Variants in PLD5 observed in about 807,000 individuals in gnomAD.
PLD5 encodes the protein phospholipase D family member 5.
In PLD5, 36 loss-of-function variants were observed where a neutral mutation model predicts 61.1. The observed-to-expected ratio is 0.59, with a 90% CI of 0.45 to 0.78. The LOEUF is 0.78. Ranked by LOEUF, PLD5 falls within the 30% of genes least tolerant of loss-of-function variation. The pLI, the probability that PLD5 is intolerant of heterozygous loss-of-function variation, is 0.00. For missense variants in PLD5, 515 were observed against 644.4 expected (o/e 0.80, Z 2.17); for synonymous variants, 243 against 242.8 (o/e 1.00, Z -0.01).
Position 242,085,597 on chromosome 1 carries a change from G to A in PLD5, c.*4257C>T, listed in dbSNP as rs1482859741. Reference sequence around the variant, plus strand: ...TCAAATTGGAAAATTTTTTACCTTGGGCCAAATGGAAGTTATATTAATTTT... The same window carrying A: ...TCAAATTGGAAAATTTTTTACCTTGAGCCAAATGGAAGTTATATTAATTTT... On this transcript the variant is annotated 3_prime_UTR_variant, in exon 10 of 10. Coordinates refer to ENST00000536534, the MANE Select transcript of PLD5 (RefSeq NM_001372062.1). 1.3e-5 allele frequency: 2 copies of A among 152,032 alleles called. No individual in the cohort carries two copies. Among genetic ancestry groups the A allele is most frequent in the Non-Finnish European group, 2.9e-5 (2 of 68,014 alleles). The allele number at this position is 152,032 out of a possible 1,614,324, so 9.4% of individuals were successfully genotyped here.
chr1:242,475,566 A>T (rs144727282), intron 1 of PLD5, among the ~76,000 whole-genome samples: 18 of 152,246 alleles, frequency 1.2e-4, no homozygotes, highest in Non-Finnish European at 1.8e-4. Flanking sequence ...AAAACAGTTC[A>T]CAGGAGCATC....
At chr1:242,247,192 C>T (rs1234879925) in intron 4 of PLD5, among the ~76,000 whole-genome samples, 1 of 152,096 alleles carries the variant, frequency 6.6e-6, no homozygotes, top group Admixed American at 6.6e-5. Context: ...CTGTGTTAGC[C>T]AGGATGGTCT....
chr1:242,373,999 C>G (rs12139778), intron 1 of PLD5, among the ~76,000 whole-genome samples: 14,108 of 151,748 alleles, frequency 0.093, 694 homozygotes, highest in African/African-American at 0.12. Flanking sequence ...CGGAACAAAG[C>G]ACCACATTGA....
intron 4 of PLD5, among the ~76,000 whole-genome samples, chr1:242,225,944 A>G (rs1482960996): frequency 1.3e-5 from 2 of 152,184 alleles, no homozygotes; most frequent in Admixed American, 1.3e-4. Context: ...ACTTTATAAG[A>G]AACTGCCAAA....
At chr1:242,393,751 TGTATATGA>T (rs1383802134) in intron 1 of PLD5, among the ~76,000 whole-genome samples, 2 of 148,504 alleles carry the variant, frequency 1.3e-5, no homozygotes, top group Non-Finnish European at 3.0e-5. Flanking sequence ...TATATATGTG[TGTATATGA>T]GTATATAAGT....
At chr1:242,132,195 G>GC (rs1553305571) in intron 5 of PLD5, among the ~76,000 whole-genome samples, 3 of 95,126 alleles carry the variant, frequency 3.2e-5, no homozygotes, top group Non-Finnish European at 4.6e-5. Context: ...GTGATTGCGG[G>GC]GGGGGGGGGG....
intron 3 of PLD5, among the ~76,000 whole-genome samples, chr1:242,275,856 G>A (rs564734189): frequency 1.3e-5 from 2 of 152,322 alleles, no homozygotes; most frequent in Admixed American, 1.3e-4. Flanking sequence ...GCATTGAAGA[G>A]TTTGGATCTC....
At position 242,444,040 on chromosome 1, in the gene PLD5, A is replaced by C. The variant is rs991547973; in HGVS notation, c.189+80048T>G. ...ATCCAGGAGGCTCAACAATAGGATA[A>C]AAATTTGAACAGAACTCATATTTGC... is the stretch of plus-strand genomic sequence containing the variant. On this transcript the variant is annotated intron_variant, in intron 1 of 9. Coordinates refer to ENST00000536534, the MANE Select transcript of PLD5 (RefSeq NM_001372062.1). 3.0e-4 allele frequency among the ~76,000 whole-genome samples: 45 copies of C among 152,188 alleles called. 1 individual carries two copies. Among genetic ancestry groups the C allele is most frequent in the Admixed American group, 2.9e-3 (45 of 15,272 alleles).
At chr1:242,346,210 G>A (rs1660127752) in intron 2 of PLD5, among the ~76,000 whole-genome samples, 1 of 150,904 alleles carries the variant, frequency 6.6e-6, no homozygotes, top group Non-Finnish European at 1.5e-5. Flanking sequence ...GAAATAGCCA[G>A]ACCCTAATTC....
chr1:242,362,460 G>C (rs368725737), intron 1 of PLD5, among the ~76,000 whole-genome samples: 2 of 151,924 alleles, frequency 1.3e-5, no homozygotes, highest in African/African-American at 4.8e-5. Context: ...AATTTCCATG[G>C]TGGTCTATTA....
chr1:242,402,079 T>C (rs191085820), intron 1 of PLD5, among the ~76,000 whole-genome samples: 1 of 152,344 alleles, frequency 6.6e-6, no homozygotes, highest in East Asian at 1.9e-4. Flanking sequence ...TCCCCTGCTA[T>C]CAGTGTTGCT....
At chr1:242,233,018 G>A (rs1671406597) in intron 4 of PLD5, among the ~76,000 whole-genome samples, 1 of 152,108 alleles carries the variant, frequency 6.6e-6, no homozygotes, top group African/African-American at 2.4e-5. Context: ...GCCAGGCGTG[G>A]TGGCAGGAGC....
chr1:242,250,551 T>C (rs1167177247), intron 4 of PLD5, among the ~76,000 whole-genome samples: 2 of 152,222 alleles, frequency 1.3e-5, no homozygotes, highest in Non-Finnish European at 2.9e-5. Flanking sequence ...AGTGCTATTA[T>C]TTACTTAATT....
chr1:242,478,057 G>A (rs978094349), intron 1 of PLD5, among the ~76,000 whole-genome samples: 6 of 152,184 alleles, frequency 3.9e-5, no homozygotes, highest in African/African-American at 1.4e-4. Flanking sequence ...CTCTCCTTCA[G>A]AATATGTTCT....
At chr1:242,440,883 C>A (rs1356853839) in intron 1 of PLD5, among the ~76,000 whole-genome samples, 8 of 152,206 alleles carry the variant, frequency 5.3e-5, no homozygotes, top group Non-Finnish European at 1.0e-4. Flanking sequence ...CATTCACCCC[C>A]TTGACACTGT....
At chr1:242,284,778 A>G (rs1268144234) in intron 3 of PLD5, among the ~76,000 whole-genome samples, 1 of 152,202 alleles carries the variant, frequency 6.6e-6, no homozygotes, top group African/African-American at 2.4e-5. Flanking sequence ...CCCACAGGAC[A>G]TGGCCAGGGA....
chr1:242,467,089 C>G (rs569297377), intron 1 of PLD5, among the ~76,000 whole-genome samples: 1 of 152,192 alleles, frequency 6.6e-6, no homozygotes, highest in Admixed American at 6.5e-5. Flanking sequence ...TGAGAATAAT[C>G]TATTTTAAAT....
intron 5 of PLD5, among the ~76,000 whole-genome samples, chr1:242,186,086 A>ATCAAT (rs1667857288): frequency 6.6e-6 from 1 of 152,224 alleles, no homozygotes; most frequent in South Asian, 2.1e-4. Context: ...TAAATAAAAT[A>ATCAAT]TCAATTCAAT....
rs71570950 is a variant in PLD5 at position 242,283,594 on chromosome 1, A to AT, written c.495+4767dup. Among the ~76,000 whole-genome samples, 177 of 152,306 alleles carry AT rather than the reference A, an allele frequency of 1.2e-3. 1 individual carries two copies. Among genetic ancestry groups the AT allele is most frequent in the African/African-American group, 3.9e-3 (164 of 41,566 alleles). ...GAAAAAGAAGCTGTGAACCTGACAC[A>AT]TTTTTTTATCACACGTATCTGTGAA... On this transcript the variant is annotated intron_variant, in intron 3 of 9. Transcript: ENST00000536534.
Sources: allele counts gnomAD v4.1 joint callset (sites outside exome capture counted in the v4.1 genomes callset), GRCh38; gene constraint gnomAD v4.1.1; transcripts MANE v1.5; gene names NCBI Gene and HGNC (gene_info 2026-07-23, HGNC 2026-07-21).